The following PRKG1 variants were observed in gnomAD, a reference collection of about 807,000 sequenced individuals.
PRKG1 encodes protein kinase cGMP-dependent 1.
A neutral mutation model predicts 88.1 loss-of-function variants in PRKG1; 35 were observed. The observed-to-expected ratio is 0.40, with a 90% CI of 0.30 to 0.53. The LOEUF is 0.53. Among genes scored for constraint, PRKG1 ranks in the 20% least tolerant of loss-of-function variants. PRKG1 has a pLI of 0.59. For synonymous variants in PRKG1, 303 were observed against 292.5 expected, an observed-to-expected ratio of 1.04 and a Z score of -0.37; for missense variants, 540 against 839.8, an observed-to-expected ratio of 0.64 and a Z score of 4.41.
At chr10:52,170,022 G>C (rs1016788211) in intron 9 of PRKG1, among the ~76,000 whole-genome samples, 11 of 152,156 alleles carry the variant, frequency 7.2e-5, no homozygotes, top group African/African-American at 2.7e-4. Context: ...TTACTCTTCA[G>C]TCTTATACTG....
intron 5 of PRKG1, among the ~76,000 whole-genome samples, chr10:51,945,080 G>A (rs1842995282): frequency 6.6e-6 from 1 of 150,870 alleles, no homozygotes; most frequent in Non-Finnish European, 1.5e-5. Context: ...TTATTATTGT[G>A]TGGGAGTCTA....
intron 1 of PRKG1, among the ~76,000 whole-genome samples, chr10:51,006,450 T>G (rs1301850678): frequency 6.6e-6 from 1 of 152,234 alleles, no homozygotes; most frequent in Non-Finnish European, 1.5e-5. Flanking sequence ...ATTGTTATCA[T>G]TTATTGATTC....
chr10:52,129,909 A>G (rs1376041295), intron 7 of PRKG1, among the ~76,000 whole-genome samples: 1 of 152,320 alleles, frequency 6.6e-6, no homozygotes, highest in Non-Finnish European at 1.5e-5. Context: ...ATAGCAAAGC[A>G]TATAAGCAGC....
chr10:51,041,587 C>T (rs142996113), intron 1 of PRKG1, among the ~76,000 whole-genome samples: 1 of 151,962 alleles, frequency 6.6e-6, no homozygotes, highest in African/African-American at 2.4e-5. Flanking sequence ...AGTAGGTTCC[C>T]TTCTGGCCCA....
intron 3 of PRKG1, among the ~76,000 whole-genome samples, chr10:51,553,077 T>TAATACCAG (rs1355718527): frequency 1.3e-5 from 2 of 151,736 alleles, no homozygotes; most frequent in Admixed American, 1.3e-4. Context: ...GCAACTCATA[T>TAATACCAG]AATACCAGAT....
chr10:51,330,895 C>A (rs1027745099), intron 2 of PRKG1, among the ~76,000 whole-genome samples: 6 of 152,176 alleles, frequency 3.9e-5, no homozygotes, highest in African/African-American at 1.4e-4. Context: ...TTATTCCAGT[C>A]TTTGAAGACT....
intron 7 of PRKG1, among the ~76,000 whole-genome samples, chr10:52,076,923 A>T (rs528278554): frequency 1.3e-5 from 2 of 152,318 alleles, no homozygotes; most frequent in South Asian, 4.1e-4. Context: ...AATTAAAAGG[A>T]TTGATCATAT....
rs374323012 is a variant in PRKG1, at chr10:51,257,987, G to A, written c.478+104657G>A. Among the ~76,000 whole-genome samples, 7 of 152,256 alleles carry A rather than the reference G, an allele frequency of 4.6e-5. 1 individual carries two copies. Among genetic ancestry groups the A allele is most frequent in the African/African-American group, 1.4e-4 (6 of 41,540 alleles). On this transcript the variant is annotated intron_variant, in intron 2 of 17. Coordinates refer to ENST00000373980, the MANE Select transcript of PRKG1 (RefSeq NM_006258.4). Reference sequence around the variant, plus strand: ...TATTGGAATTAGGAGGAAGGCTAACGAGCTAAAGCCTGGACCTAGAGTATA... The same window carrying A: ...TATTGGAATTAGGAGGAAGGCTAACAAGCTAAAGCCTGGACCTAGAGTATA...
chr10:52,174,491 G>A (rs557284377), intron 9 of PRKG1, among the ~76,000 whole-genome samples: 1 of 151,702 alleles, frequency 6.6e-6, no homozygotes, highest in African/African-American at 2.4e-5. Flanking sequence ...AGCAGGGAGA[G>A]AATTTAAGAA....
At chr10:51,578,979 G>GTTTTTTTTTTTTTTTTTTTTT (rs1837957732) in intron 3 of PRKG1, among the ~76,000 whole-genome samples, 1 of 104,842 alleles carries the variant, frequency 9.5e-6, no homozygotes. Context: ...AAGTTCTGTT[G>GTTTTTTTTTTTTTTTTTTTTT]GTTTTTTTTT....
chr10:51,589,943 GCAAT>G (rs757511195), intron 3 of PRKG1, among the ~76,000 whole-genome samples: 12 of 152,242 alleles, frequency 7.9e-5, no homozygotes, highest in Non-Finnish European at 1.2e-4. Context: ...AGAAATGGAA[GCAAT>G]CAATTACTAT....
intron 1 of PRKG1, among the ~76,000 whole-genome samples, chr10:51,015,151 G>T (rs1362841807): frequency 1.3e-5 from 2 of 152,156 alleles, no homozygotes; most frequent in Non-Finnish European, 2.9e-5. Flanking sequence ...TACTTTGATT[G>T]CAACCCTTAC....
At chr10:51,033,833 A>G (rs914879293) in intron 1 of PRKG1, among the ~76,000 whole-genome samples, 1 of 135,200 alleles carries the variant, frequency 7.4e-6, no homozygotes, top group African/African-American at 2.7e-5. Flanking sequence ...GTATTTCAGC[A>G]TTCCATTGCA....
intron 8 of PRKG1, among the ~76,000 whole-genome samples, chr10:52,136,272 G>A (rs1395279252): frequency 6.6e-6 from 1 of 152,094 alleles, no homozygotes; most frequent in East Asian, 1.9e-4. Context: ...AGAAAATAGT[G>A]GGCAAATGAG....
chr10:51,657,847 A>G (rs1840199888), intron 3 of PRKG1, among the ~76,000 whole-genome samples: 1 of 152,196 alleles, frequency 6.6e-6, no homozygotes, highest in South Asian at 2.1e-4. Flanking sequence ...TCTGCTGTGC[A>G]GAATTATATC....
At chr10:51,820,818 G>A (rs1261997657) in intron 4 of PRKG1, among the ~76,000 whole-genome samples, 1 of 152,046 alleles carries the variant, frequency 6.6e-6, no homozygotes, top group East Asian at 1.9e-4. Flanking sequence ...AAATTAAGTT[G>A]GGTACTTCCT....
At chr10:52,199,385 A>T (rs954410962) in intron 9 of PRKG1, among the ~76,000 whole-genome samples, 2 of 152,136 alleles carry the variant, frequency 1.3e-5, no homozygotes, top group Non-Finnish European at 2.9e-5. Flanking sequence ...TCACTCAAAG[A>T]TCATACTTGC....
intron 5 of PRKG1, among the ~76,000 whole-genome samples, chr10:51,979,410 G>GTTTTTTTTTTGTTTTT (rs1843937421): frequency 2.1e-5 from 1 of 47,058 alleles, no homozygotes. Context: ...ATATTGGTCT[G>GTTTTTTTTTTGTTTTT]TTTTTTTTTT....
intron 7 of PRKG1, among the ~76,000 whole-genome samples, chr10:52,119,687 C>G (rs1331591308): frequency 1.3e-5 from 2 of 152,122 alleles, no homozygotes; most frequent in South Asian, 2.1e-4. Flanking sequence ...TACTCATAAC[C>G]CATGACACAA....
Sources: gnomAD v4.1 joint callset for allele counts (sites outside exome capture counted in the v4.1 genomes callset) on GRCh38, gnomAD v4.1.1 for gene constraint, MANE v1.5 for transcripts, NCBI Gene and HGNC (gene_info 2026-07-23, HGNC 2026-07-21) for gene names.